The following NTRK3 variants were observed in gnomAD, a reference collection of about 807,000 sequenced individuals.
The protein encoded by NTRK3 is NT-3 growth factor receptor.
In NTRK3, 24 loss-of-function variants were observed where a neutral mutation model predicts 91.7. That is an observed-to-expected ratio of 0.26 (90% CI 0.19 to 0.37). NTRK3 has a LOEUF of 0.37. Among genes scored for constraint, NTRK3 ranks in the 10% least tolerant of loss-of-function variants. The probability of loss-of-function intolerance (pLI) is 1.00; values close to 1 mark genes in which losing one functional copy is unlikely to be tolerated. For missense variants in NTRK3, 880 were observed against 1,068.9 expected, an observed-to-expected ratio of 0.82 and a Z score of 2.46; for synonymous variants, 483 against 404.0, an observed-to-expected ratio of 1.20 and a Z score of -2.34.
chr15:88,004,373 C>T (rs2076338164), intron 14 of NTRK3, among the ~76,000 whole-genome samples: 1 of 152,104 alleles, frequency 6.6e-6, no homozygotes, highest in African/African-American at 2.4e-5. Context: ...GAGAGATGAT[C>T]AGAAAAACGG....
intron 14 of NTRK3, among the ~76,000 whole-genome samples, chr15:88,005,854 G>A (rs906729574): frequency 1.3e-5 from 2 of 152,034 alleles, no homozygotes; most frequent in Non-Finnish European, 2.9e-5. Flanking sequence ...TCAGAGATAG[G>A]GCAATACATT....
intron 14 of NTRK3, among the ~76,000 whole-genome samples, chr15:88,010,974 G>A (rs749238269): frequency 3.3e-5 from 5 of 152,036 alleles, no homozygotes; most frequent in East Asian, 1.9e-4. Context: ...GGGTTTTGCC[G>A]TCACACCACA....
chr15:87,928,906 G>C, intron 17 of NTRK3: 1 of 585,006 alleles, frequency 1.7e-6, no homozygotes, highest in Middle Eastern at 4.5e-4. Context: ...TTTACATGAA[G>C]AATGAGTATT....
chr15:87,995,168 A>C (rs1405409333), intron 14 of NTRK3, among the ~76,000 whole-genome samples: 1 of 152,212 alleles, frequency 6.6e-6, no homozygotes, highest in African/African-American at 2.4e-5. Flanking sequence ...AGAGTGTCCC[A>C]TGGAGCCCAG....
intron 17 of NTRK3, among the ~76,000 whole-genome samples, chr15:87,892,689 A>T (rs918196183): frequency 6.6e-6 from 1 of 152,200 alleles, no homozygotes; most frequent in African/African-American, 2.4e-5. Context: ...AACACTTAAC[A>T]TCTAGAAATG....
chr15:87,977,011 C>T (rs2073782098), intron 14 of NTRK3, among the ~76,000 whole-genome samples: 1 of 152,156 alleles, frequency 6.6e-6, no homozygotes, highest in African/African-American at 2.4e-5. Flanking sequence ...TCCCCAGCTA[C>T]CAAAGGAGTG....
chr15:88,229,072 G>A lies in NTRK3; in HGVS notation c.248+26834C>T, dbSNP rs145798760. On this transcript the variant is annotated intron_variant, in intron 3 of 18. Transcript: ENST00000394480. ...AGAGAAAGGCTAAGAGAATGGCAGA[G>A]ACTCCACCCTTGACATAGCTGAGTG... 4.7e-4 allele frequency among the ~76,000 whole-genome samples: 71 copies of A among 152,296 alleles called. 1 individual carries two copies. The East Asian group carries it at 0.012, about 26-fold the overall frequency.
chr15:88,049,583 C>G (rs1195479128), intron 13 of NTRK3, among the ~76,000 whole-genome samples: 1 of 152,160 alleles, frequency 6.6e-6, no homozygotes, highest in Non-Finnish European at 1.5e-5. Context: ...ATGTAGCAAG[C>G]CTTATCTGAA....
At chr15:88,032,165 C>T (rs565271460) in intron 14 of NTRK3, among the ~76,000 whole-genome samples, 3 of 152,004 alleles carry the variant, frequency 2.0e-5, no homozygotes, top group Non-Finnish European at 4.4e-5. Context: ...CAGGAGGAAC[C>T]CTGCTGGATG....
At chr15:88,067,500 T>C (rs1023157593) in intron 13 of NTRK3, among the ~76,000 whole-genome samples, 3 of 152,218 alleles carry the variant, frequency 2.0e-5, no homozygotes, top group Admixed American at 1.3e-4. Context: ...GGGTTTTGCC[T>C]GCAGTTAAAA....
At chr15:88,253,135 C>A (rs569868855) in intron 3 of NTRK3, 1 of 152,362 alleles carries the variant, frequency 6.6e-6, no homozygotes, top group African/African-American at 2.4e-5. Flanking sequence ...TGTGCCCAAG[C>A]TATACCCTGG....
chr15:88,184,343 A>C, intron 3 of NTRK3, 44 bp from the exon 4 acceptor site: 2 of 1,589,768 alleles, frequency 1.3e-6, no homozygotes, highest in Non-Finnish European at 1.7e-6. Context: ...GAAGCAACAG[A>C]AATGGGGCTG....
At chr15:88,229,545 G>A (rs74027913) in intron 3 of NTRK3, among the ~76,000 whole-genome samples, 4,309 of 152,182 alleles carry the variant, frequency 0.028, 213 homozygotes, top group African/African-American at 0.097. Flanking sequence ...AGATACCCTG[G>A]TCTGCAACTA....
intron 13 of NTRK3, among the ~76,000 whole-genome samples, chr15:88,101,308 C>T (rs918042216): frequency 5.3e-5 from 8 of 152,186 alleles, no homozygotes; most frequent in Non-Finnish European, 1.0e-4. Context: ...AAATCAAAAC[C>T]ACAATGAGAT....
At chr15:88,135,581 T>TAGAA (rs2041797332) in intron 9 of NTRK3, among the ~76,000 whole-genome samples, 184 bp from the exon 10 acceptor site, 1 of 152,162 alleles carries the variant, frequency 6.6e-6, no homozygotes, top group African/African-American at 2.4e-5. Context: ...GCAAGCTTCC[T>TAGAA]AGATCCACCT....
At chr15:87,927,269 A>G (rs1310523320) in intron 17 of NTRK3, 1 of 152,234 alleles carries the variant, frequency 6.6e-6, no homozygotes, top group African/African-American at 2.4e-5. Flanking sequence ...ACAACAAACA[A>G]GTCATTTTCT....
At chr15:87,953,563 A>G (rs909623273) in intron 14 of NTRK3, among the ~76,000 whole-genome samples, 12 of 152,190 alleles carry the variant, frequency 7.9e-5, no homozygotes, top group African/African-American at 2.7e-4. Context: ...TCTTCACTGA[A>G]TATCACTAGA....
At chr15:87,992,762 G>A (rs1195295588) in intron 14 of NTRK3, among the ~76,000 whole-genome samples, 1 of 152,186 alleles carries the variant, frequency 6.6e-6, no homozygotes, top group East Asian at 1.9e-4. Flanking sequence ...TTAATGGGAG[G>A]CAGAGCCAGG....
At chr15:88,023,626 C>G (rs997558926) in intron 14 of NTRK3, among the ~76,000 whole-genome samples, 2 of 152,150 alleles carry the variant, frequency 1.3e-5, no homozygotes, top group Non-Finnish European at 2.9e-5. Context: ...CCATCAGAAT[C>G]CCCCACCCAC....
Sources: allele counts gnomAD v4.1 joint callset (sites outside exome capture counted in the v4.1 genomes callset), GRCh38; gene constraint gnomAD v4.1.1; transcripts MANE v1.5; gene names NCBI Gene and HGNC (gene_info 2026-07-23, HGNC 2026-07-21).